Variants in HLA-DQA2 observed in about 807,000 individuals in gnomAD.
HLA-DQA2 encodes major histocompatibility complex, class II, DQ alpha 2, also known as HLA class II histocompatibility antigen, DQ alpha 2 chain.
Under a neutral mutation model 21.0 loss-of-function variants are expected in HLA-DQA2, and 17 were observed. That is an observed-to-expected ratio of 0.81 (90% CI 0.56 to 1.22). The LOEUF (loss-of-function observed/expected upper bound fraction) is 1.22. HLA-DQA2 is among the 50% of genes most tolerant of loss of function. HLA-DQA2 has a pLI of 0.00. For missense variants in HLA-DQA2, 239 were observed against 308.8 expected, an observed-to-expected ratio of 0.77 and a Z score of 1.69; for synonymous variants, 81 against 116.5, an observed-to-expected ratio of 0.70 and a Z score of 1.96.
rs1763631448 is a variant in HLA-DQA2 at position 32,746,773 on chromosome 6, AT to A, written c.*219del. The stretch of plus-strand genomic sequence containing the variant: ...TTCTTTCCCTGACCTCCTTTCCTGA[AT>A]TTTTTTATTTTCTCAAATGTTACCT... On this transcript the variant is annotated 3_prime_UTR_variant, in exon 5 of 5. Transcript: ENST00000374940. The A allele has an allele frequency of 5.2e-6, 2 of 387,684 alleles. No homozygotes were observed. Among genetic ancestry groups the A allele is most frequent in the Non-Finnish European group, 4.9e-6 (1 of 203,334 alleles). 24.0% of individuals were successfully genotyped at this position (387,684 alleles called of 1,614,324 possible).
intron 2 of HLA-DQA2, 108 bp downstream of exon 2, chr6:32,745,515 A>C: frequency 8.2e-7 from 1 of 1,221,520 alleles, no homozygotes; most frequent in East Asian, 2.3e-5. Flanking sequence ...AATTGCTGAA[A>C]TTTTATCATC....
In HLA-DQA2 at chr6:32,745,245, G is replaced by C. The variant is rs52830651; in HGVS notation, c.169G>C (p.Glu57Gln). 2.2e-4 allele frequency: 356 copies of C among 1,606,202 alleles called. No homozygotes were observed. Among genetic ancestry groups the C allele is most frequent in the African/African-American group, 2.0e-3 (147 of 72,626 alleles). The part of the protein sequence containing the change: ...QYTHEFDGDE[E>Q]FYVDLETKET... ...CACCCATGAATTTGATGGAGACGAGGAGTTCTATGTGGACCTGGAGACGAA... is the reference window on the plus strand; with the variant it reads ...CACCCATGAATTTGATGGAGACGAGCAGTTCTATGTGGACCTGGAGACGAA... The change falls in exon 2 of 5, where the codon GAG becomes CAG. Residue 57 changes from glutamate (E) to glutamine (Q), a missense_variant. Transcript: ENST00000374940.
At chr6:32,741,621 C>A in intron 1 of HLA-DQA2, 96 bp downstream of exon 1, 1 of 1,204,414 alleles carries the variant, frequency 8.3e-7, no homozygotes, top group Non-Finnish European at 1.2e-6. Flanking sequence ...TAGAAATTTC[C>A]CAAGGGTCTT....
rs772073923 is a variant in HLA-DQA2, at chr6:32,741,538, G to A, written c.82+13G>A. 2 of 1,609,882 alleles carry A rather than the reference G, an allele frequency of 1.2e-6. No homozygotes were observed. The highest frequency in any genetic ancestry group is 1.7e-6 in the Non-Finnish European group (2 of 1,176,410). On this transcript the variant is annotated intron_variant, in intron 1 of 4. Coordinates refer to ENST00000374940, the MANE Select transcript of HLA-DQA2 (RefSeq NM_020056.5). ...GAAGACATTGTGGGTGAGTACATGA[G>A]TGAGGAATGTTCTCTGGAGCTGAAA...
chr6:32,741,899 C>G (rs1763240275), intron 1 of HLA-DQA2, among the ~76,000 whole-genome samples: 1 of 152,084 alleles, frequency 6.6e-6, no homozygotes, highest in Non-Finnish European at 1.5e-5. Flanking sequence ...ACTTTTGAAG[C>G]TTTTCATATG....
At chr6:32,744,427 G>A (rs200779308) in intron 1 of HLA-DQA2, among the ~76,000 whole-genome samples, 6 of 147,684 alleles carry the variant, frequency 4.1e-5, no homozygotes, top group Non-Finnish European at 3.0e-5. Flanking sequence ...TCCTTCAGAG[G>A]AAAAAAAAAA....
chr6:32,745,463 T>G, intron 2 of HLA-DQA2, 56 bp downstream of exon 2: 1 of 1,558,012 alleles, frequency 6.4e-7, no homozygotes, highest in Non-Finnish European at 8.8e-7. Context: ...ATACCAAGTT[T>G]TACTCCCTTC....
intron 1 of HLA-DQA2, among the ~76,000 whole-genome samples, 172 bp from the exon 2 acceptor site, chr6:32,744,987 C>A (rs1354017686): frequency 2.0e-5 from 3 of 148,486 alleles, no homozygotes; most frequent in Admixed American, 1.3e-4. Flanking sequence ...CAGTTCTAAC[C>A]TGATGACTAC....
chr6:32,742,776 G>C (rs1020075056), intron 1 of HLA-DQA2, among the ~76,000 whole-genome samples: 1 of 151,762 alleles, frequency 6.6e-6, no homozygotes, highest in African/African-American at 2.4e-5. Flanking sequence ...CAGTGAAGGG[G>C]ACCCTCCAAA....
In HLA-DQA2 at chr6:32,746,710, G is replaced by T; in HGVS notation, c.*149G>T. 1 of 593,628 alleles carries T rather than the reference G, an allele frequency of 1.7e-6. No individual in the cohort carries two copies. Among genetic ancestry groups the T allele is most frequent in the Non-Finnish European group, 3.1e-6 (1 of 318,532 alleles). 36.8% of individuals were successfully genotyped at this position (593,628 alleles called of 1,614,324 possible). ...CTCTCACCTCTTCTCTGGGACTTAAGGTGCTATATTCCCTCAGAGCTCACA... is the reference window on the plus strand; with the variant it reads ...CTCTCACCTCTTCTCTGGGACTTAATGTGCTATATTCCCTCAGAGCTCACA... On this transcript the variant is annotated 3_prime_UTR_variant, in exon 5 of 5. Coordinates refer to ENST00000374940, the MANE Select transcript of HLA-DQA2 (RefSeq NM_020056.5).
At chr6:32,743,618 A>G (rs1000578913) in intron 1 of HLA-DQA2, among the ~76,000 whole-genome samples, 2 of 147,224 alleles carry the variant, frequency 1.4e-5, no homozygotes, top group Non-Finnish European at 3.0e-5. Flanking sequence ...TCCTCCAGCA[A>G]CACTTAGCAC....
rs1763632466 is a variant in HLA-DQA2 at position 32,746,788 on chromosome 6, C to CA, written c.*230dup. ...CCTTTCCTGAATTTTTTTATTTTCT[C>CA]AAATGTTACCTACTAAGGGATGCCT... On this transcript the variant is annotated 3_prime_UTR_variant, in exon 5 of 5. Transcript: ENST00000374940. 1 of 422,098 alleles carries CA rather than the reference C, an allele frequency of 2.4e-6. No homozygotes were observed. Among genetic ancestry groups the CA allele is most frequent in the African/African-American group, 2.0e-5 (1 of 49,056 alleles). The allele number at this position is 422,098 out of a possible 1,614,324, so 26.1% of individuals were successfully genotyped here.
intron 1 of HLA-DQA2, 80 bp from the exon 2 acceptor site, chr6:32,745,079 T>G: frequency 5.4e-6 from 8 of 1,491,154 alleles, no homozygotes; most frequent in Non-Finnish European, 7.3e-6. Context: ...TATTTGAAAG[T>G]GAGTTTCTTC....
rs116659129 is a variant in HLA-DQA2 at position 32,746,051 on chromosome 6, G to C, written c.592G>C (p.Glu198Gln). The change falls in exon 3 of 5, where the codon GAG becomes CAG. Residue 198 changes from glutamate to glutamine, a missense_variant. Transcript: ENST00000374940. ...DCKVEHWGLDEPLLKHWEPEI... is the reference protein window; with the variant it reads ...DCKVEHWGLDQPLLKHWEPEI... ...CAAGGTGGAGCACTGGGGCCTGGAC[G>C]AGCCTCTTCTGAAACACTGGGGTAA... 5 of 1,557,374 alleles carry C rather than the reference G, an allele frequency of 3.2e-6. No homozygotes were observed. The highest frequency in any genetic ancestry group is 1.1e-5 in the South Asian group (1 of 88,968).
At chr6:32,744,855 T>A (rs1371532522) in intron 1 of HLA-DQA2, among the ~76,000 whole-genome samples, 1 of 144,554 alleles carries the variant, frequency 6.9e-6, no homozygotes, top group East Asian at 2.0e-4. Flanking sequence ...TTCCTTCCTT[T>A]GTTTATTGCA....
At chr6:32,746,459 A>T in intron 4 of HLA-DQA2, 45 bp downstream of exon 4, 1 of 1,584,514 alleles carries the variant, frequency 6.3e-7, no homozygotes, top group Non-Finnish European at 8.6e-7. Context: ...TATGAGAGGG[A>T]GGAAAGTGGG....
intron 1 of HLA-DQA2, among the ~76,000 whole-genome samples, chr6:32,744,714 G>C (rs1763443042): frequency 6.6e-6 from 1 of 151,468 alleles, no homozygotes. Context: ...AAAGTGTCCT[G>C]TTCTGATCTA....
chr6:32,744,111 C>A (rs1367621655), intron 1 of HLA-DQA2, among the ~76,000 whole-genome samples: 1 of 152,190 alleles, frequency 6.6e-6, no homozygotes, highest in East Asian at 1.9e-4. Context: ...TGCTCCCTTA[C>A]CGACCTGATT....
At position 32,746,427 on chromosome 6, in the gene HLA-DQA2, T is replaced by C. The variant is rs1190729039; in HGVS notation, c.*20+13T>C. The C allele has an allele frequency of 1.9e-6, 3 of 1,612,962 alleles. No individual in the cohort carries two copies. Among genetic ancestry groups the C allele is most frequent in the Admixed American group, 1.7e-5 (1 of 60,022 alleles). Reference sequence around the variant, plus strand: ...CCTGAAAAGGAAGGTAAGATTGAGATTTGTTGGAGCTGAAACCTCAGTATG... The same window carrying C: ...CCTGAAAAGGAAGGTAAGATTGAGACTTGTTGGAGCTGAAACCTCAGTATG... On this transcript the variant is annotated intron_variant, in intron 4 of 4. Transcript: ENST00000374940.
Sources: allele counts gnomAD v4.1 joint callset (sites outside exome capture counted in the v4.1 genomes callset), GRCh38; gene constraint gnomAD v4.1.1; transcripts MANE v1.5; gene names NCBI Gene and HGNC (gene_info 2026-07-23, HGNC 2026-07-21).